Variants in EML5 observed in about 807,000 individuals in gnomAD.
EML5 encodes echinoderm microtubule-associated protein-like 5.
A neutral mutation model predicts 250.0 loss-of-function variants in EML5; 120 were observed. The observed-to-expected ratio is 0.48, with a 90% CI of 0.41 to 0.56. The LOEUF is 0.56. EML5 is among the 20% of genes least tolerant of loss of function. The pLI, the probability that EML5 is intolerant of heterozygous loss-of-function variation, is 0.00. For missense variants in EML5, 2,006 were observed against 2,437.6 expected (o/e 0.82, Z 3.73); for synonymous variants, 771 against 806.5 (o/e 0.96, Z 0.75).
chr14:88,704,741 G>A, intron 13 of EML5, 119 bp downstream of exon 13: 1 of 680,870 alleles, frequency 1.5e-6, no homozygotes, highest in East Asian at 2.7e-5. Flanking sequence ...CATGGGCAAT[G>A]TTGTATCCTT....
At chr14:88,751,033 TCCAAATAGAG>T (rs2094086142) in intron 2 of EML5, among the ~76,000 whole-genome samples, 1 of 152,074 alleles carries the variant, frequency 6.6e-6, no homozygotes, top group Non-Finnish European at 1.5e-5. Context: ...ATTCCATGTA[TCCAAATAGAG>T]CCTCAATACA....
At chr14:88,706,518 TTCTA>T (rs750018615) in intron 10 of EML5, 92 bp from the exon 11 acceptor site, 12 of 948,204 alleles carry the variant, frequency 1.3e-5, no homozygotes, top group Non-Finnish European at 1.6e-5. Context: ...TGTATCATCC[TTCTA>T]TCTGAATTAT....
intron 11 of EML5, 137 bp from the exon 12 acceptor site, chr14:88,705,725 C>A: frequency 1.4e-6 from 1 of 700,618 alleles, no homozygotes. Context: ...ATTACCTATT[C>A]AAGTGACACA....
Position 88,614,353 on chromosome 14 carries a change from C to T in EML5, c.*1465G>A, listed in dbSNP as rs945209753. 1 of 152,198 alleles carries T rather than the reference C, an allele frequency of 6.6e-6. No individual in the cohort carries two copies. Among genetic ancestry groups the T allele is most frequent in the Non-Finnish European group, 1.5e-5 (1 of 68,032 alleles). 9.4% of individuals were successfully genotyped at this position (152,198 alleles called of 1,614,324 possible). On this transcript the variant is annotated 3_prime_UTR_variant, in exon 44 of 44. Transcript: ENST00000554922. ...CAAGCTTCTTAGCCCCATAATCAGTCCTTCAGCCACAGCTATTTAGAGCTT... is the reference window on the plus strand; with the variant it reads ...CAAGCTTCTTAGCCCCATAATCAGTTCTTCAGCCACAGCTATTTAGAGCTT...
intron 9 of EML5, among the ~76,000 whole-genome samples, chr14:88,712,964 G>A (rs12885389): frequency 0.4 from 61,108 of 152,074 alleles, 14,781 homozygotes; most frequent in African/African-American, 0.66. Flanking sequence ...TTTAGGACCC[G>A]GTCAGTCTTC....
rs147245547 is a variant in EML5 at position 88,785,157 on chromosome 14, T to C, written c.197+7150A>G. On this transcript the variant is annotated intron_variant, in intron 1 of 43. Transcript: ENST00000554922. ...ATCAAAACAACTGAACTAATGGACATAGAGTAGAAGGATGGTTACCAGAAG... is the reference window on the plus strand; with the variant it reads ...ATCAAAACAACTGAACTAATGGACACAGAGTAGAAGGATGGTTACCAGAAG... 8.4e-3 allele frequency among the ~76,000 whole-genome samples: 1,279 copies of C among 152,052 alleles called. 16 individuals are homozygous for C. Among genetic ancestry groups the C allele is most frequent in the African/African-American group, 0.029 (1,217 of 41,464 alleles).
At chr14:88,702,756 AAAC>A in intron 13 of EML5, 124 bp from the exon 14 acceptor site, 1 of 688,780 alleles carries the variant, frequency 1.5e-6, no homozygotes, top group Non-Finnish European at 2.2e-6. Flanking sequence ...ACAGGATACT[AAAC>A]AATTTTTTTT....
At chr14:88,616,964 C>CT (rs2087724074) in intron 41 of EML5, 85 bp from the exon 42 acceptor site, 3 of 1,271,954 alleles carry the variant, frequency 2.4e-6, no homozygotes, top group East Asian at 2.3e-5. Flanking sequence ...CAATTAATCT[C>CT]TAAGTACCCT....
At chr14:88,716,461 T>C (rs1459511459) in intron 8 of EML5, among the ~76,000 whole-genome samples, 3 of 152,266 alleles carry the variant, frequency 2.0e-5, no homozygotes, top group African/African-American at 7.2e-5. Context: ...TCCATATCCA[T>C]CCATCCATCC....
At chr14:88,774,709 A>G (rs2094430927) in intron 1 of EML5, among the ~76,000 whole-genome samples, 1 of 152,162 alleles carries the variant, frequency 6.6e-6, no homozygotes, top group South Asian at 2.1e-4. Context: ...CCTACATTAA[A>G]ATGTTGGAGT....
At chr14:88,631,854 A>C (rs1310678009) in intron 33 of EML5, among the ~76,000 whole-genome samples, 5 of 152,140 alleles carry the variant, frequency 3.3e-5, no homozygotes, top group African/African-American at 7.2e-5. Flanking sequence ...TATCTCTTCT[A>C]ATGTATTTAT....
chr14:88,724,883 C>T (rs1418013379), intron 8 of EML5, among the ~76,000 whole-genome samples: 1 of 152,084 alleles, frequency 6.6e-6, no homozygotes, highest in Non-Finnish European at 1.5e-5. Context: ...TACAGAGATT[C>T]CAGAATCAAT....
intron 21 of EML5, among the ~76,000 whole-genome samples, chr14:88,674,187 T>C (rs1414169209): frequency 1.3e-5 from 2 of 152,162 alleles, no homozygotes; most frequent in Non-Finnish European, 2.9e-5. Context: ...GAGAATCACT[T>C]GAACCCAGGA....
At chr14:88,700,771 G>A (rs370002104) in intron 14 of EML5, among the ~76,000 whole-genome samples, 9 of 152,082 alleles carry the variant, frequency 5.9e-5, no homozygotes, top group East Asian at 5.8e-4. Context: ...TGCCTGTACC[G>A]GAAAGGTTAG....
intron 23 of EML5, among the ~76,000 whole-genome samples, chr14:88,663,558 G>A (rs1204989578): frequency 1.3e-5 from 2 of 152,048 alleles, no homozygotes; most frequent in African/African-American, 4.8e-5. Context: ...TCAGTCATAT[G>A]CCATGCATTC....
chr14:88,741,014 T>C (rs1198063868), intron 4 of EML5, among the ~76,000 whole-genome samples: 3 of 151,982 alleles, frequency 2.0e-5, no homozygotes, highest in Non-Finnish European at 4.4e-5. Context: ...AATACAAAAA[T>C]TAGCCAGGTA....
chr14:88,767,487 A>T lies in EML5; in HGVS notation c.198-12816T>A, dbSNP rs1595833991. Among the ~76,000 whole-genome samples, 3 of 152,106 alleles carry T rather than the reference A, an allele frequency of 2.0e-5. No homozygotes were observed. The South Asian group carries it at 6.2e-4, about 32-fold the overall frequency. On this transcript the variant is annotated intron_variant, in intron 1 of 43. Coordinates refer to ENST00000554922, the MANE Select transcript of EML5 (RefSeq NM_183387.3). ...TGTTAGCCTCTGCATACTATCATAT[A>T]CTTCCCACAACTGGGCCTGCCTCTG...
intron 8 of EML5, 94 bp downstream of exon 8, chr14:88,726,447 A>G: frequency 1.0e-6 from 1 of 982,676 alleles, no homozygotes; most frequent in Non-Finnish European, 1.4e-6. Flanking sequence ...AAAAACAACA[A>G]GTATTATATA....
At chr14:88,639,030 TTAC>T (rs1327772809) in intron 31 of EML5, 123 bp from the exon 32 acceptor site, 1 of 682,504 alleles carries the variant, frequency 1.5e-6, no homozygotes, top group Non-Finnish European at 2.4e-6. Context: ...TTTTGAGCAC[TTAC>T]TATGTATACA....
Sources: allele counts gnomAD v4.1 joint callset (sites outside exome capture counted in the v4.1 genomes callset), GRCh38; gene constraint gnomAD v4.1.1; transcripts MANE v1.5; gene names NCBI Gene and HGNC (gene_info 2026-07-23, HGNC 2026-07-21).